The following UBE2F variants were observed in gnomAD, a reference collection of about 807,000 sequenced individuals.
The protein encoded by UBE2F is NEDD8-conjugating enzyme UBE2F.
UBE2F carries 5 observed loss-of-function variants against 29.6 expected under a neutral mutation model. The observed-to-expected ratio is 0.17, with a 90% CI of 0.09 to 0.36. The LOEUF (loss-of-function observed/expected upper bound fraction) is 0.36, where lower values mean the gene tolerates loss of function less well. Ranked by LOEUF, UBE2F falls within the 10% of genes least tolerant of loss-of-function variation. UBE2F has a pLI of 1.00. For synonymous variants in UBE2F, 66 were observed against 81.8 expected, an observed-to-expected ratio of 0.81 and a Z score of 1.04; for missense variants, 141 against 228.5, an observed-to-expected ratio of 0.62 and a Z score of 2.47.
At chr2:237,971,225 G>T (rs1348552444) in intron 1 of UBE2F, among the ~76,000 whole-genome samples, 2 of 152,204 alleles carry the variant, frequency 1.3e-5, no homozygotes, top group Non-Finnish European at 1.5e-5. Flanking sequence ...GGAATTTTTA[G>T]ATCATTTTCT....
In UBE2F at chr2:238,008,428, C is replaced by T. The variant is rs185108559; in HGVS notation, c.215-8138C>T. Among the ~76,000 whole-genome samples the T allele has an allele frequency of 1.5e-4, 23 of 152,276 alleles. No individual in the cohort carries two copies. In the East Asian group the frequency reaches 2.9e-3, roughly 19 times the overall value. ...ATTTGTGTCCTTCAAGGGATTTGCT[C>T]ATATCATCTGCATTTTTCAATTTAT... On this transcript the variant is annotated intron_variant, in intron 4 of 9. Coordinates refer to ENST00000272930, the MANE Select transcript of UBE2F (RefSeq NM_080678.3).
At chr2:237,976,613 T>C (rs2063286811) in intron 2 of UBE2F, among the ~76,000 whole-genome samples, 1 of 152,074 alleles carries the variant, frequency 6.6e-6, no homozygotes, top group Admixed American at 6.5e-5. Flanking sequence ...GCAGAAGAGA[T>C]GGAAGGGCAA....
chr2:238,027,775 T>G (rs535761702), intron 6 of UBE2F, among the ~76,000 whole-genome samples: 1 of 152,338 alleles, frequency 6.6e-6, no homozygotes, highest in South Asian at 2.1e-4. Flanking sequence ...TGGTTTGTGG[T>G]GACGCTGACA....
chr2:238,033,628 A>T (rs2064637390), intron 8 of UBE2F, among the ~76,000 whole-genome samples: 1 of 152,206 alleles, frequency 6.6e-6, no homozygotes, highest in South Asian at 2.1e-4. Context: ...GCAAAAGCAG[A>T]GCCTCAAACT....
intron 1 of UBE2F, 30 bp from the exon 2 acceptor site, chr2:237,973,062 C>G: frequency 6.3e-7 from 1 of 1,584,904 alleles, no homozygotes; most frequent in South Asian, 1.1e-5. Context: ...AGACCTGGTC[C>G]TTAACCCTGC....
At chr2:237,996,086 A>G (rs561503484) in intron 4 of UBE2F, among the ~76,000 whole-genome samples, 1 of 152,308 alleles carries the variant, frequency 6.6e-6, no homozygotes, top group South Asian at 2.1e-4. Flanking sequence ...CTGCCTTCCT[A>G]AAACACATTG....
chr2:237,990,566 C>T (rs115856044), intron 3 of UBE2F: 2,971 of 190,272 alleles, frequency 0.016, 87 homozygotes, highest in African/African-American at 0.065. Context: ...CATGCTACCA[C>T]GCCTAGCTAA....
At position 238,041,274 on chromosome 2, in the gene UBE2F, C is replaced by A; in HGVS notation, c.508-14C>A. 1 of 1,613,228 alleles carries A rather than the reference C, an allele frequency of 6.2e-7. No homozygotes were observed. Among genetic ancestry groups the A allele is most frequent in the Non-Finnish European group, 8.5e-7 (1 of 1,179,220 alleles). On this transcript the variant is annotated splice_polypyrimidine_tract_variant and intron_variant, in intron 9 of 9. Transcript: ENST00000272930. ...CCTGTTCTTCTTTCTGTCCCCAATG[C>A]TGTTACTCCACAGGAGGACTTCCGG...
chr2:238,029,796 G>A (rs1367525580), intron 6 of UBE2F, among the ~76,000 whole-genome samples: 3 of 152,326 alleles, frequency 2.0e-5, no homozygotes, highest in Admixed American at 1.3e-4. Context: ...AGGGAAACAG[G>A]GATGCTCTCT....
chr2:237,998,904 C>T (rs983806109), intron 4 of UBE2F, among the ~76,000 whole-genome samples: 1 of 152,014 alleles, frequency 6.6e-6, no homozygotes, highest in South Asian at 2.1e-4. Context: ...ATTTATACAT[C>T]GTCCTTTCTG....
chr2:237,995,503 G>T (rs565577651), intron 4 of UBE2F, among the ~76,000 whole-genome samples: 2 of 152,298 alleles, frequency 1.3e-5, no homozygotes, highest in African/African-American at 2.4e-5. Flanking sequence ...CGATGCTGTT[G>T]TGGGGAATTA....
intron 3 of UBE2F, among the ~76,000 whole-genome samples, chr2:237,994,435 A>G (rs57920965): frequency 0.012 from 1,776 of 152,294 alleles, 35 homozygotes; most frequent in African/African-American, 0.041. Context: ...CTTCTTGTCA[A>G]AGTACAGTAG....
intron 5 of UBE2F, among the ~76,000 whole-genome samples, chr2:238,025,022 A>AG (rs2064384131): frequency 6.6e-6 from 1 of 152,148 alleles, no homozygotes; most frequent in Admixed American, 6.5e-5. Flanking sequence ...TCCCAAACCC[A>AG]GGGGGTGTGG....
chr2:237,991,833 C>G (rs1298681850), intron 3 of UBE2F, among the ~76,000 whole-genome samples: 1 of 150,542 alleles, frequency 6.6e-6, no homozygotes, highest in Admixed American at 6.6e-5. Context: ...CTGCGCCTGG[C>G]ATAGTTTTAT....
chr2:238,029,363 C>T (rs577740122), intron 6 of UBE2F, among the ~76,000 whole-genome samples: 219 of 151,698 alleles, frequency 1.4e-3, no homozygotes, highest in Non-Finnish European at 2.6e-3. Flanking sequence ...CCGAGGCGGG[C>T]GGATCACGAG....
chr2:237,970,345 A>T (rs552594742), intron 1 of UBE2F, among the ~76,000 whole-genome samples: 5 of 152,350 alleles, frequency 3.3e-5, no homozygotes, highest in Admixed American at 6.5e-5. Flanking sequence ...ACTGCACTCC[A>T]GCCTGGGCTA....
At chr2:238,032,432 G>T in intron 8 of UBE2F, 178 bp downstream of exon 8, 1 of 577,160 alleles carries the variant, frequency 1.7e-6, no homozygotes, top group African/African-American at 1.9e-5. Context: ...GAGTCCAGGA[G>T]GCCCAAACCC....
chr2:238,007,723 A>G (rs529446175), intron 4 of UBE2F, among the ~76,000 whole-genome samples: 3 of 152,130 alleles, frequency 2.0e-5, no homozygotes, highest in African/African-American at 7.2e-5. Context: ...TGTGAGATAA[A>G]CCATAATTCA....
chr2:238,000,091 G>A (rs1431777256), intron 4 of UBE2F, among the ~76,000 whole-genome samples: 1 of 152,054 alleles, frequency 6.6e-6, no homozygotes, highest in Non-Finnish European at 1.5e-5. Context: ...CAAAATGCTG[G>A]GATTACAAGC....
Sources: gnomAD v4.1 joint callset for allele counts (sites outside exome capture counted in the v4.1 genomes callset) on GRCh38, gnomAD v4.1.1 for gene constraint, MANE v1.5 for transcripts, NCBI Gene and HGNC (gene_info 2026-07-23, HGNC 2026-07-21) for gene names.